The following SH3TC1 variants were observed in gnomAD, a reference collection of about 807,000 sequenced individuals.
SH3TC1 encodes SH3 domain and tetratricopeptide repeat-containing protein 1.
In SH3TC1, 135 loss-of-function variants were observed where a neutral mutation model predicts 117.3. That is an observed-to-expected ratio of 1.15 (90% CI 1.00 to 1.33). SH3TC1 has a LOEUF of 1.33. Among genes scored for constraint, SH3TC1 ranks in the 40% most tolerant of loss-of-function variants. The pLI is 0.00. For missense variants in SH3TC1, 2,092 were observed against 1,794.3 expected (o/e 1.17, Z -3.00); for synonymous variants, 898 against 816.9 (o/e 1.10, Z -1.69).
intron 1 of SH3TC1, among the ~76,000 whole-genome samples, chr4:8,203,989 G>A (rs920342296): frequency 7.2e-5 from 11 of 152,192 alleles, no homozygotes; most frequent in African/African-American, 2.7e-4. Flanking sequence ...AGCCTCGTGG[G>A]CCCATCAGGG....
chr4:8,232,122 A>G lies in SH3TC1; in HGVS notation c.3097A>G (p.Ile1033Val), dbSNP rs1432009308. Residue 1033 changes from isoleucine to valine, a missense_variant, in exon 13 of 18, where the codon ATC becomes GTC. Ile to Val is a conservative substitution (Grantham distance 29). Coordinates refer to ENST00000245105, the MANE Select transcript of SH3TC1 (RefSeq NM_018986.5). The part of the protein sequence containing the change: ...KVLEGQLLET[I>V]SQLYLSLGTE... Reference sequence around the variant, plus strand: ...GCTGGAGGGGCAGCTCCTGGAGACCATCAGCCAGCTCTACCTGTCCCTGGG... The same window carrying G: ...GCTGGAGGGGCAGCTCCTGGAGACCGTCAGCCAGCTCTACCTGTCCCTGGG... The G allele has an allele frequency of 4.2e-6, 6 of 1,421,340 alleles. No homozygotes were observed. The highest frequency in any genetic ancestry group is 5.7e-6 in the Non-Finnish European group (6 of 1,059,942). The allele number at this position is 1,421,340 out of a possible 1,614,324, so 88.0% of individuals were successfully genotyped here.
chr4:8,239,681 G>A (rs1270201078), intron 17 of SH3TC1, among the ~76,000 whole-genome samples: 1 of 152,232 alleles, frequency 6.6e-6, no homozygotes, highest in Non-Finnish European at 1.5e-5. Flanking sequence ...TGTTTAGTTG[G>A]GATGCCACCC....
chr4:8,234,239 C>T (rs939725866), intron 14 of SH3TC1, among the ~76,000 whole-genome samples: 12 of 150,096 alleles, frequency 8.0e-5, no homozygotes, highest in Non-Finnish European at 1.3e-4. Flanking sequence ...ATCCATTCAC[C>T]CATCCATCCA....
intron 9 of SH3TC1, among the ~76,000 whole-genome samples, chr4:8,220,181 G>A (rs967179661): frequency 2.0e-5 from 3 of 152,138 alleles, no homozygotes; most frequent in Non-Finnish European, 2.9e-5. Context: ...TGAGGGACAC[G>A]ATTTAATCCA....
chr4:8,214,639 A>G, intron 5 of SH3TC1, 59 bp downstream of exon 5: 1 of 1,251,464 alleles, frequency 8.0e-7, no homozygotes, highest in South Asian at 1.2e-5. Context: ...GGTGCTGGTT[A>G]CACACCGTGC....
chr4:8,225,030 A>G lies in SH3TC1; in HGVS notation c.1244-145A>G. 1 of 996,186 alleles carries G rather than the reference A, an allele frequency of 1.0e-6. No individual in the cohort carries two copies. The allele number at this position is 996,186 out of a possible 1,614,324, so 61.7% of individuals were successfully genotyped here. Reference sequence around the variant, plus strand: ...TGCACCCTGCAACACTCCAGCCCGCAACACCAGCACCCTGCAACATCTCAG... The same window carrying G: ...TGCACCCTGCAACACTCCAGCCCGCGACACCAGCACCCTGCAACATCTCAG... On this transcript the variant is annotated intron_variant, in intron 10 of 17. Coordinates refer to ENST00000245105, the MANE Select transcript of SH3TC1 (RefSeq NM_018986.5). This position sits in a 1 kb window ranked among gnomAD's most constrained non-coding sequence, Gnocchi z 5.5.
rs759136517 is a variant in SH3TC1 at position 8,225,216 on chromosome 4, G to A, written c.1285G>A (p.Glu429Lys). 1.9e-6 allele frequency: 3 copies of A among 1,613,560 alleles called. No individual in the cohort carries two copies. The highest frequency in any genetic ancestry group is 2.5e-6 in the Non-Finnish European group (3 of 1,179,804). ...TGAGACCGAGCAGCCGCAGGAAAAA[G>A]GTGGGTTTTGCCAGTGGCTCAGGCT... Reference protein sequence around the residue: ...EAETEQPQEKEIPPPCLSLEP... With the variant: ...EAETEQPQEKKIPPPCLSLEP... Residue 429 changes from glutamate (E) to lysine (K), a missense_variant and splice_region_variant, in exon 11 of 18, where the codon GAA (glutamate) becomes AAA (lysine). Glu to Lys is a moderately conservative substitution (Grantham distance 56, BLOSUM62 1). Transcript: ENST00000245105. The surrounding 1 kb of genome is among the most constrained non-coding windows in gnomAD (Gnocchi z 5.5).
chr4:8,227,900 C>G lies in SH3TC1; in HGVS notation c.2206C>G (p.Arg736Gly), dbSNP rs111740526. The G allele has an allele frequency of 1.2e-6, 2 of 1,612,802 alleles. No homozygotes were observed. The highest frequency in any genetic ancestry group is 2.2e-5 in the South Asian group (2 of 91,086). The change falls in exon 12 of 18, where the codon CGG (arginine) becomes GGG (glycine). Residue 736 changes from arginine to glycine, a missense_variant. Transcript: ENST00000245105. ...GAGCTGTGTCAAGGTGGCCTCATTG[C>G]GGACACGGGGCTCGCTGGCCGGCTC... ...VLSCVKVASL[R>G]TRGSLAGSLR...
In SH3TC1 at chr4:8,215,939, G is replaced by GCA. The variant is rs34963544; in HGVS notation, c.482-172_482-171insCA. Among the ~76,000 whole-genome samples the GCA allele has an allele frequency of 1.7e-3, 257 of 152,206 alleles. 3 individuals carry two copies. The highest frequency in any genetic ancestry group is 2.9e-3 in the East Asian group (15 of 5,180). ...CTCTCACAGCCCGGGTGGTCAGGCC[G>GCA]TGGGCTGCTGTGTGTAGCCAGCACT... On this transcript the variant is annotated intron_variant, in intron 5 of 17. Transcript: ENST00000245105.
At chr4:8,237,360 C>T (rs2152998476) in intron 16 of SH3TC1, 114 bp from the exon 17 acceptor site, 2 of 866,240 alleles carry the variant, frequency 2.3e-6, no homozygotes, top group Non-Finnish European at 3.4e-6. Flanking sequence ...AAGGGACTGG[C>T]CAGAACTGCC....
intron 3 of SH3TC1, 39 bp from the exon 4 acceptor site, chr4:8,212,662 A>G: frequency 6.2e-7 from 1 of 1,612,286 alleles, no homozygotes; most frequent in Non-Finnish European, 8.5e-7. Flanking sequence ...TTCCCAGCCC[A>G]GGTCAGACCA....
chr4:8,195,075 TCACCAGCAGGCATCAGGAGATA>T (rs1717519733), upstream of SH3TC1, among the ~76,000 whole-genome samples: 4 of 152,118 alleles, frequency 2.6e-5, no homozygotes, highest in East Asian at 5.8e-4. Flanking sequence ...CAGGAGACAC[TCACCAGCAGGCATCAGGAGATA>T]CTCACCAGCA....
intron 1 of SH3TC1, among the ~76,000 whole-genome samples, chr4:8,204,128 T>C (rs1352991133): frequency 2.0e-5 from 3 of 152,186 alleles, no homozygotes; most frequent in African/African-American, 7.2e-5. Context: ...GTCAGAGGCA[T>C]GGCCGTCCCG....
chr4:8,212,161 G>A (rs1718798214), intron 3 of SH3TC1, among the ~76,000 whole-genome samples: 1 of 152,132 alleles, frequency 6.6e-6, no homozygotes, highest in African/African-American at 2.4e-5. Flanking sequence ...AAGTGGAGAG[G>A]AGCCGGCTTA....
At chr4:8,189,337 C>T (rs892146673) in intron 1 of SH3TC1, among the ~76,000 whole-genome samples, 3 of 152,232 alleles carry the variant, frequency 2.0e-5, no homozygotes, top group Non-Finnish European at 4.4e-5. Flanking sequence ...CAGATGATGG[C>T]CCCAGTCCCA....
chr4:8,205,126 G>A lies in SH3TC1; in HGVS notation c.-28-41G>A. On this transcript the variant is annotated intron_variant, in intron 1 of 17. Coordinates refer to ENST00000245105, the MANE Select transcript of SH3TC1 (RefSeq NM_018986.5). The surrounding 1 kb of genome is among the most constrained non-coding windows in gnomAD (Gnocchi z 5.4). ...TGGACACAACCTCCGTGCTGGTTCTGGAGGGGCCACCTCTCCTGACCACAC... is the reference window on the plus strand; with the variant it reads ...TGGACACAACCTCCGTGCTGGTTCTAGAGGGGCCACCTCTCCTGACCACAC... 7.0e-7 allele frequency: 1 copy of A among 1,427,988 alleles called. No individual in the cohort carries two copies. Among genetic ancestry groups the A allele is most frequent in the Non-Finnish European group, 9.2e-7 (1 of 1,082,754 alleles). 88.5% of individuals were successfully genotyped at this position (1,427,988 alleles called of 1,614,324 possible).
At chr4:8,204,177 C>T (rs1193661095) in intron 1 of SH3TC1, among the ~76,000 whole-genome samples, 1 of 152,170 alleles carries the variant, frequency 6.6e-6, no homozygotes, top group Non-Finnish European at 1.5e-5. Context: ...TGTTTGCTGG[C>T]CACTGAGGGG....
At chr4:8,235,932 A>C in intron 15 of SH3TC1, 1 of 359,010 alleles carries the variant, frequency 2.8e-6, no homozygotes, top group Non-Finnish European at 5.0e-6. Context: ...CGAAGCGGGG[A>C]CGGCTTCCCC....
At position 8,225,130 on chromosome 4, in the gene SH3TC1, G is replaced by T. The variant is rs555017500; in HGVS notation, c.1244-45G>T. On this transcript the variant is annotated intron_variant, in intron 10 of 17. Coordinates refer to ENST00000245105, the MANE Select transcript of SH3TC1 (RefSeq NM_018986.5). This position sits in a 1 kb window ranked among gnomAD's most constrained non-coding sequence, Gnocchi z 5.5. The stretch of plus-strand genomic sequence containing the variant: ...AGCTCAACCTGGCAGGGGACCAGAG[G>T]TACTGGCTGGGGGTGTTGATTGCTT... 6.2e-7 allele frequency: 1 copy of T among 1,611,604 alleles called. No homozygotes were observed. Among genetic ancestry groups the T allele is most frequent in the African/African-American group, 1.3e-5 (1 of 75,028 alleles).
Sources: gnomAD v4.1 joint callset for allele counts (sites outside exome capture counted in the v4.1 genomes callset) on GRCh38, gnomAD v4.1.1 for gene constraint, Gnocchi (gnomAD v3.1) non-coding constraint, MANE v1.5 for transcripts, NCBI Gene and HGNC (gene_info 2026-07-23, HGNC 2026-07-21) for gene names.